ADAM22: variants seen among roughly 807,000 people sequenced by gnomAD.
The protein encoded by ADAM22 is disintegrin and metalloproteinase domain-containing protein 22.
Under a neutral mutation model 144.6 loss-of-function variants are expected in ADAM22, and 65 were observed. That is an observed-to-expected ratio of 0.45 (90% CI 0.37 to 0.55). The LOEUF (loss-of-function observed/expected upper bound fraction) is 0.55. Ranked by LOEUF, ADAM22 falls within the 20% of genes least tolerant of loss-of-function variation. ADAM22 has a pLI of 0.00. For synonymous variants in ADAM22, 391 were observed against 412.6 expected (o/e 0.95, Z 0.63); for missense variants, 974 against 1,184.9 (o/e 0.82, Z 2.61).
intron 1 of ADAM22, 161 bp from the exon 2 acceptor site, chr7:87,934,865 G>A (rs1255274102): frequency 9.8e-7 from 1 of 1,015,960 alleles, no homozygotes; most frequent in African/African-American, 1.6e-5. Flanking sequence ...AAGGCTCTCG[G>A]GCTGGTGTCT....
intron 31 of ADAM22, among the ~76,000 whole-genome samples, chr7:88,194,989 G>A (rs1458753408): frequency 3.3e-5 from 5 of 152,176 alleles, no homozygotes; most frequent in Non-Finnish European, 7.3e-5. Flanking sequence ...GCAGACATGG[G>A]CATTCAGAAC....
At chr7:88,195,039 C>A (rs1276960521) in intron 31 of ADAM22, among the ~76,000 whole-genome samples, 1 of 152,136 alleles carries the variant, frequency 6.6e-6, no homozygotes, top group Non-Finnish European at 1.5e-5. Context: ...ATTAAGGGAA[C>A]CTATATAGAA....
chr7:88,026,785 A>G (rs1279185239), intron 3 of ADAM22, among the ~76,000 whole-genome samples: 2 of 152,140 alleles, frequency 1.3e-5, no homozygotes, highest in African/African-American at 2.4e-5. Flanking sequence ...GAAATTGGGC[A>G]TCCATTGTGT....
At chr7:88,056,182 CT>C (rs1429673558) in intron 3 of ADAM22, among the ~76,000 whole-genome samples, 1 of 152,100 alleles carries the variant, frequency 6.6e-6, no homozygotes, top group African/African-American at 2.4e-5. Context: ...TTTATAGGTT[CT>C]TTTTTTCTTC....
chr7:88,058,064 G>C (rs1808771627), intron 3 of ADAM22, among the ~76,000 whole-genome samples: 2 of 152,184 alleles, frequency 1.3e-5, no homozygotes, highest in South Asian at 4.1e-4. Flanking sequence ...ATGATAGTGA[G>C]GGTATAATAA....
At chr7:88,185,392 A>T (rs991388942) in intron 29 of ADAM22, among the ~76,000 whole-genome samples, 2 of 152,226 alleles carry the variant, frequency 1.3e-5, no homozygotes, top group Non-Finnish European at 2.9e-5. Flanking sequence ...TTGGAAATGT[A>T]GTCTTCCATG....
intron 29 of ADAM22, among the ~76,000 whole-genome samples, chr7:88,183,821 CAT>C (rs1393349261): frequency 2.1e-5 from 3 of 142,016 alleles, no homozygotes; most frequent in Middle Eastern, 3.2e-3. Flanking sequence ...TATATATACA[CAT>C]GTATATATAC....
At chr7:88,070,783 A>G (rs540188800) in intron 3 of ADAM22, among the ~76,000 whole-genome samples, 11 of 152,216 alleles carry the variant, frequency 7.2e-5, no homozygotes, top group Admixed American at 2.0e-4. Context: ...CCTAGTAGAG[A>G]CTGGTTCAGA....
At chr7:87,945,192 A>C (rs1843402563) in intron 2 of ADAM22, among the ~76,000 whole-genome samples, 1 of 152,190 alleles carries the variant, frequency 6.6e-6, no homozygotes, top group Non-Finnish European at 1.5e-5. Context: ...GTTTGTACAA[A>C]ATGAGCAACA....
Position 88,132,810 on chromosome 7 carries a change from G to A in ADAM22, c.993-57G>A, listed in dbSNP as rs1430150459. The A allele has an allele frequency of 6.0e-6, 8 of 1,330,452 alleles. No homozygotes were observed. In the East Asian group the frequency reaches 1.4e-4, roughly 23 times the overall value. The allele number at this position is 1,330,452 out of a possible 1,614,324, so 82.4% of individuals were successfully genotyped here. ...TAAATGTAGTAAACTAATAATGAGG[G>A]GTGCTATGATGTTTGAACTGTGAAC... is the stretch of plus-strand genomic sequence containing the variant. On this transcript the variant is annotated intron_variant, in intron 11 of 31. Transcript: ENST00000413139.
At chr7:87,937,717 A>G (rs74324281) in intron 2 of ADAM22, among the ~76,000 whole-genome samples, 111 of 152,348 alleles carry the variant, frequency 7.3e-4, no homozygotes, top group African/African-American at 2.5e-3. Context: ...CCCTATAGCA[A>G]TAAACATCAC....
chr7:87,982,058 T>TACAC (rs1260590999), intron 3 of ADAM22, among the ~76,000 whole-genome samples: 2 of 120,822 alleles, frequency 1.7e-5, no homozygotes, highest in African/African-American at 3.4e-5. Context: ...TATATATATA[T>TACAC]ATATATATAT....
chr7:88,009,141 G>C (rs1165491915), intron 3 of ADAM22, among the ~76,000 whole-genome samples: 1 of 152,100 alleles, frequency 6.6e-6, no homozygotes, highest in Non-Finnish European at 1.5e-5. Context: ...GGCATTTCAA[G>C]TTTTGAGGGG....
At chr7:87,954,238 C>T (rs577382401) in intron 2 of ADAM22, among the ~76,000 whole-genome samples, 5 of 152,002 alleles carry the variant, frequency 3.3e-5, no homozygotes, top group African/African-American at 7.2e-5. Context: ...TTCCTAGTCT[C>T]GATGGTCTTT....
At chr7:88,058,772 C>T (rs1808971016) in intron 3 of ADAM22, among the ~76,000 whole-genome samples, 1 of 152,094 alleles carries the variant, frequency 6.6e-6, no homozygotes, top group Non-Finnish European at 1.5e-5. Context: ...GCCTGAAAAG[C>T]ATAAAGCTTA....
rs531938483 is a variant in ADAM22 at position 87,963,216 on chromosome 7, A to G, written c.247-15120A>G. 9.5e-4 allele frequency among the ~76,000 whole-genome samples: 144 copies of G among 152,246 alleles called. 1 individual carries two copies. The South Asian group carries it at 0.028, about 30-fold the overall frequency. ...AAGGCCAGGGAAGGACAAAAAGGAC[A>G]GCCTGAAAGCAGTTTGCTAAGGATG... On this transcript the variant is annotated intron_variant, in intron 2 of 31. Transcript: ENST00000413139.
Position 88,086,340 on chromosome 7 carries a change from T to A in ADAM22, c.390+10648T>A, listed in dbSNP as rs28412367. Among the ~76,000 whole-genome samples the A allele has an allele frequency of 2.7e-3, 407 of 152,284 alleles. 3 individuals are homozygous for A. The highest frequency in any genetic ancestry group is 9.2e-3 in the African/African-American group (384 of 41,548). ...GTATTTAGTGTAAAAACAGACACAT[T>A]TTGGTGATTGTTCCTTAACATAATG... is the stretch of plus-strand genomic sequence containing the variant. On this transcript the variant is annotated intron_variant, in intron 4 of 31. Transcript: ENST00000413139.
intron 4 of ADAM22, among the ~76,000 whole-genome samples, chr7:88,088,508 A>AG (rs908455652): frequency 5.0e-4 from 9 of 17,822 alleles, no homozygotes; most frequent in Middle Eastern, 0.022. Flanking sequence ...TGTCAATGAC[A>AG]GGAAAAAAAA....
chr7:88,033,301 G>A (rs1212734146), intron 3 of ADAM22, among the ~76,000 whole-genome samples: 3 of 152,242 alleles, frequency 2.0e-5, no homozygotes, highest in South Asian at 4.1e-4. Context: ...GACTTGTAGA[G>A]GTGTAAGCTT....
Sources: allele counts gnomAD v4.1 joint callset (sites outside exome capture counted in the v4.1 genomes callset), GRCh38; gene constraint gnomAD v4.1.1; transcripts MANE v1.5; gene names NCBI Gene and HGNC (gene_info 2026-07-23, HGNC 2026-07-21).